The following SKOR2 variants were observed in gnomAD, a reference collection of about 807,000 sequenced individuals.
SKOR2 encodes SKI family transcriptional corepressor 2.
A neutral mutation model predicts 69.1 loss-of-function variants in SKOR2; 47 were observed. That is an observed-to-expected ratio of 0.68 (90% CI 0.54 to 0.87). SKOR2 has a LOEUF of 0.87. Among genes scored for constraint, SKOR2 ranks in the 40% least tolerant of loss-of-function variants. SKOR2 has a pLI of 0.00. For synonymous variants in SKOR2, 717 were observed against 672.6 expected (o/e 1.07, Z -1.02); for missense variants, 1,404 against 1,472.2 (o/e 0.95, Z 0.76).
intron 6 of SKOR2, among the ~76,000 whole-genome samples, chr18:47,225,242 A>G (rs2064174711): frequency 6.6e-6 from 1 of 152,118 alleles, no homozygotes; most frequent in African/African-American, 2.4e-5. Flanking sequence ...GAAATCTAAC[A>G]TTTTTCATAA....
Position 47,248,409 on chromosome 18 carries a change from C to T in SKOR2, c.775G>A (p.Val259Met). Residue 259 changes from valine (V) to methionine (M), a missense_variant, in exon 2 of 9, where the codon GTG becomes ATG. Physicochemically the swap from Val to Met is conservative, Grantham distance 21. Coordinates refer to ENST00000425639, the MANE Select transcript of SKOR2 (RefSeq NM_001278063.4). This position sits in a 1 kb window ranked among gnomAD's most constrained non-coding sequence, Gnocchi z 6.4. ...GCGGCGGCCACGGCGGCCGCCTTCA[C>T]AGAGCTGAGCGGGTGGCAGGCGGGG... ...AHPACHPLSS[V>M]KAAAVAAAAA... The T allele has an allele frequency of 2.0e-6, 3 of 1,517,944 alleles. No individual in the cohort carries two copies. The highest frequency in any genetic ancestry group is 2.6e-6 in the Non-Finnish European group (3 of 1,137,164). The allele number at this position is 1,517,944 out of a possible 1,614,324, so 94.0% of individuals were successfully genotyped here.
chr18:47,249,332 G>T, intron 1 of SKOR2, 102 bp from the exon 2 acceptor site: 1 of 1,121,030 alleles, frequency 8.9e-7, no homozygotes, highest in Non-Finnish European at 1.2e-6. Context: ...TTCTTGCTTT[G>T]GTTAAGACAC....
chr18:47,245,027 C>A, intron 3 of SKOR2, 45 bp from the exon 4 acceptor site: 2 of 1,482,938 alleles, frequency 1.3e-6, no homozygotes, highest in Non-Finnish European at 9.0e-7. Flanking sequence ...ATCCAACTGA[C>A]AAGAGGCACA....
At chr18:47,216,221 A>G (rs1432567416) in intron 7 of SKOR2, among the ~76,000 whole-genome samples, 6 of 152,212 alleles carry the variant, frequency 3.9e-5, no homozygotes, top group Non-Finnish European at 8.8e-5. Context: ...TAAACATGCT[A>G]AATTAAAAAA....
intron 8 of SKOR2, among the ~76,000 whole-genome samples, chr18:47,211,878 A>T (rs948207859): frequency 5.3e-5 from 8 of 152,180 alleles, no homozygotes; most frequent in Non-Finnish European, 1.0e-4. Flanking sequence ...AGTTATAGGA[A>T]TTTTCCATGG....
chr18:47,247,078 G>GGTC lies in SKOR2; in HGVS notation c.2105_2106insGAC (p.Pro702_Pro703insThr). 1 of 1,369,212 alleles carries GGTC rather than the reference G, an allele frequency of 7.3e-7. No homozygotes were observed. Among genetic ancestry groups the GGTC allele is most frequent in the Non-Finnish European group, 9.4e-7 (1 of 1,063,192 alleles). 84.8% of individuals were successfully genotyped at this position (1,369,212 alleles called of 1,614,324 possible). A position where few individuals can be genotyped will look rare whatever the true frequency, so the allele number is the denominator to read the frequency against. ...GGTGCTGGGCCAGAGGGGGCGGCGG[G>GGTC]GGCGGCGGCGGCGGCGGCGGCGGGG... On this transcript the variant is annotated inframe_insertion, in exon 2 of 9. Coordinates refer to ENST00000425639, the MANE Select transcript of SKOR2 (RefSeq NM_001278063.4). The surrounding 1 kb of genome is among the most constrained non-coding windows in gnomAD (Gnocchi z 6.6).
intron 6 of SKOR2, among the ~76,000 whole-genome samples, chr18:47,224,843 C>T (rs1171543150): frequency 6.6e-6 from 1 of 152,098 alleles, no homozygotes; most frequent in African/African-American, 2.4e-5. Flanking sequence ...TGATCTCAAA[C>T]TTCTGGGCTC....
At chr18:47,239,839 G>C (rs907565961) in intron 4 of SKOR2, among the ~76,000 whole-genome samples, 3 of 152,140 alleles carry the variant, frequency 2.0e-5, no homozygotes, top group African/African-American at 7.2e-5. Context: ...ACTAGAGACA[G>C]GAGGTTTTAT....
chr18:47,237,601 A>G (rs1486827730), intron 4 of SKOR2, among the ~76,000 whole-genome samples: 1 of 152,160 alleles, frequency 6.6e-6, no homozygotes, highest in East Asian at 1.9e-4. Flanking sequence ...ACAATATGAA[A>G]CTTTTGCCAT....
Position 47,248,250 on chromosome 18 carries a change from C to T in SKOR2, c.934G>A (p.Asp312Asn), listed in dbSNP as rs1296832901. The change falls in exon 2 of 9, where the codon GAC (aspartate) becomes AAC (asparagine). Residue 312 changes from aspartate to asparagine, a missense_variant. Asp to Asn is a conservative substitution (Grantham distance 23). Coordinates refer to ENST00000425639, the MANE Select transcript of SKOR2 (RefSeq NM_001278063.4). The surrounding 1 kb of genome is among the most constrained non-coding windows in gnomAD (Gnocchi z 6.4). ...TCCTGCAAGGAGTCGTCGTCGTCGTCGAAGCGCGGCCGCTTGTGATGGGCG... is the reference window on the plus strand; with the variant it reads ...TCCTGCAAGGAGTCGTCGTCGTCGTTGAAGCGCGGCCGCTTGTGATGGGCG... ...PHAHHKRPRF[D>N]DDDDSLQEAA... The T allele has an allele frequency of 6.5e-6, 8 of 1,221,914 alleles. No homozygotes were observed. Among genetic ancestry groups the T allele is most frequent in the Non-Finnish European group, 8.1e-6 (8 of 983,144 alleles). The allele number at this position is 1,221,914 out of a possible 1,614,324, so 75.7% of individuals were successfully genotyped here.
At chr18:47,244,823 CTAAA>C in intron 4 of SKOR2, 81 bp downstream of exon 4, 1 of 1,276,080 alleles carries the variant, frequency 7.8e-7, no homozygotes, top group Non-Finnish European at 1.1e-6. Context: ...TACCCTTGTA[CTAAA>C]TATTCAGTCT....
At chr18:47,238,956 C>T (rs900163264) in intron 4 of SKOR2, among the ~76,000 whole-genome samples, 2 of 152,196 alleles carry the variant, frequency 1.3e-5, no homozygotes, top group Admixed American at 6.5e-5. Context: ...AAAAGCTCCA[C>T]GTATGCATGT....
At position 47,251,587 on chromosome 18, in the gene SKOR2, C is replaced by A. The variant is rs1314174096; in HGVS notation, c.-261G>T. ...TTGCGGCGGGGCGTCCCCTCCACCG[C>A]AGAAAGTGTGGGTACGCAGAAACCC... On this transcript the variant is annotated 5_prime_UTR_variant, in exon 1 of 9. Transcript: ENST00000425639. 1.3e-5 allele frequency: 2 copies of A among 152,228 alleles called. No homozygotes were observed. Among genetic ancestry groups the A allele is most frequent in the African/African-American group, 4.8e-5 (2 of 41,442 alleles). The allele number at this position is 152,228 out of a possible 1,614,324, so 9.4% of individuals were successfully genotyped here. A position where few individuals can be genotyped will look rare whatever the true frequency, so the allele number is the denominator to read the frequency against.
intron 4 of SKOR2, among the ~76,000 whole-genome samples, chr18:47,232,450 CT>C (rs1268739107): frequency 6.6e-6 from 1 of 152,162 alleles, no homozygotes; most frequent in Admixed American, 6.5e-5. Flanking sequence ...ATTCAACCCC[CT>C]ATCCTCAATG....
rs10670977 is a variant in SKOR2 at position 47,245,478 on chromosome 18, A to ATTTTTTTTTTTTTTTTTTTTT, written c.2677+19_2677+20insAAAAAAAAAAAAAAAAAAAAA. ...ATGCAGGCAAGAAAAGTGGCAGCTG[A>ATTTTTTTTTTTTTTTTTTTTT]TTTTTTTTTTTTTTTTTACCTGAAA... On this transcript the variant is annotated intron_variant, in intron 3 of 8. Transcript: ENST00000425639. 1.8e-3 allele frequency: 2,110 copies of ATTTTTTTTTTTTTTTTTTTTT among 1,197,422 alleles called. 90 individuals carry two copies. The highest frequency in any genetic ancestry group is 5.6e-3 in the African/African-American group (244 of 43,922). The allele number at this position is 1,197,422 out of a possible 1,614,324, so 74.2% of individuals were successfully genotyped here.
chr18:47,222,750 C>T (rs2064165778), intron 6 of SKOR2, among the ~76,000 whole-genome samples: 1 of 152,202 alleles, frequency 6.6e-6, no homozygotes, highest in Non-Finnish European at 1.5e-5. Context: ...TGCCTGAAGC[C>T]GACCAGGCTG....
intron 7 of SKOR2, among the ~76,000 whole-genome samples, chr18:47,212,783 G>A (rs1237828983): frequency 6.6e-6 from 1 of 151,874 alleles, no homozygotes; most frequent in Non-Finnish European, 1.5e-5. Context: ...GACCAGCTTG[G>A]GCAACATAGG....
intron 8 of SKOR2, among the ~76,000 whole-genome samples, chr18:47,210,606 A>T (rs56023290): frequency 0.012 from 1,835 of 152,344 alleles, 21 homozygotes; most frequent in Non-Finnish European, 0.019. Context: ...TAAATGTTCT[A>T]AAATTTTCAT....
At chr18:47,213,124 A>G (rs2064132944) in intron 7 of SKOR2, among the ~76,000 whole-genome samples, 1 of 152,026 alleles carries the variant, frequency 6.6e-6, no homozygotes, top group African/African-American at 2.4e-5. Flanking sequence ...TAAAATTCCA[A>G]TGGTTGAAAT....
Sources: gnomAD v4.1 joint callset for allele counts (sites outside exome capture counted in the v4.1 genomes callset) on GRCh38, gnomAD v4.1.1 for gene constraint, Gnocchi (gnomAD v3.1) non-coding constraint, MANE v1.5 for transcripts, NCBI Gene and HGNC (gene_info 2026-07-23, HGNC 2026-07-21) for gene names.